Variants in MICALL2 observed in about 807,000 individuals in gnomAD.
MICALL2 encodes the protein MICAL-like protein 2.
Under a neutral mutation model 91.1 loss-of-function variants are expected in MICALL2, and 111 were observed. The ratio of observed to expected loss-of-function variants is 1.22; its 90% CI spans 1.04 to 1.43. MICALL2 has a LOEUF of 1.43. Among genes scored for constraint, MICALL2 ranks in the 40% most tolerant of loss-of-function variants. The pLI, the probability that MICALL2 is intolerant of heterozygous loss-of-function variation, is 0.00. For missense variants in MICALL2, 1,556 were observed against 1,236.0 expected, an observed-to-expected ratio of 1.26 and a Z score of -3.88; for synonymous variants, 694 against 525.3, an observed-to-expected ratio of 1.32 and a Z score of -4.39.
At position 1,444,688 on chromosome 7, in the gene MICALL2, G is replaced by A. The variant is rs1469621803; in HGVS notation, c.1382C>T (p.Ser461Leu). ...CGGAGCGCCAGCCTCTTCCAGCGCT[G>A]AGAGGGCCTGCTTGAGGAAGTTCCG... ...QARNFLKQAL[S>L]ALEEAGAPAP... The change falls in exon 6 of 17, where the codon TCA becomes TTA. Residue 461 changes from serine to leucine, a missense_variant. Physicochemically the swap from Ser to Leu is moderately radical, Grantham distance 145. Transcript: ENST00000297508. 6.2e-7 allele frequency: 1 copy of A among 1,611,902 alleles called. No individual in the cohort carries two copies. Among genetic ancestry groups the A allele is most frequent in the African/African-American group, 1.3e-5 (1 of 74,946 alleles).
intron 9 of MICALL2, chr7:1,439,308 C>T (rs115811332): frequency 0.029 from 10,525 of 363,780 alleles, 179 homozygotes; most frequent in Middle Eastern, 0.065. Flanking sequence ...TGCACACACA[C>T]GCATCACACA....
At chr7:1,443,728 G>A (rs2128521868) in intron 6 of MICALL2, among the ~76,000 whole-genome samples, 1 of 152,310 alleles carries the variant, frequency 6.6e-6, no homozygotes, top group South Asian at 2.1e-4. Context: ...CTGGGAGCTG[G>A]AAGAGACAAG....
At chr7:1,442,767 G>C (rs530614243) in intron 6 of MICALL2, among the ~76,000 whole-genome samples, 1 of 152,184 alleles carries the variant, frequency 6.6e-6, no homozygotes, top group South Asian at 2.1e-4. Flanking sequence ...TCTGGCATGA[G>C]CATATGCTGT....
Position 1,457,452 on chromosome 7 carries a change from G to C in MICALL2, c.143+1732C>G, listed in dbSNP as rs540784555. 2.6e-5 allele frequency among the ~76,000 whole-genome samples: 4 copies of C among 152,268 alleles called. No homozygotes were observed. In the East Asian group the frequency reaches 7.7e-4, roughly 29 times the overall value. ...CTCTGCACTCTCTGGAGCCACCCTG[G>C]GCTTTTATTCATTTACCTGTTCCCT... On this transcript the variant is annotated intron_variant, in intron 1 of 16. Transcript: ENST00000297508.
chr7:1,435,842 C>CAGG (rs1237518611), intron 15 of MICALL2, among the ~76,000 whole-genome samples: 6 of 151,426 alleles, frequency 4.0e-5, no homozygotes, highest in Admixed American at 2.0e-4. Context: ...ATCACGAGGT[C>CAGG]AGATCGAGAC....
chr7:1,439,856 C>CG, intron 9 of MICALL2, 69 bp downstream of exon 9: 1 of 1,338,394 alleles, frequency 7.5e-7, no homozygotes, highest in South Asian at 1.9e-5. Context: ...GGTCCAGTCC[C>CG]GGGGCCCCCA....
intron 4 of MICALL2, 152 bp downstream of exon 4, chr7:1,447,423 G>A (rs1463887847): frequency 3.6e-6 from 2 of 558,852 alleles, no homozygotes; most frequent in African/African-American, 1.9e-5. Flanking sequence ...CCCGGTCCTG[G>A]CGGCTCTTGC....
Position 1,434,361 on chromosome 7 carries a change from C to T in MICALL2, c.*235G>A, listed in dbSNP as rs66502635. The T allele has an allele frequency of 0.076, 48,878 of 647,030 alleles. 2,930 individuals carry two copies. The highest frequency in any genetic ancestry group is 0.21 in the Admixed American group (10,088 of 47,122). The allele number at this position is 647,030 out of a possible 1,614,324, so 40.1% of individuals were successfully genotyped here. On this transcript the variant is annotated 3_prime_UTR_variant, in exon 17 of 17. Coordinates refer to ENST00000297508, the MANE Select transcript of MICALL2 (RefSeq NM_182924.4). ...GCAAACACGGAGGCACGTAGGAGTC[C>T]GGGGCCATGTGGTCGGTTTCTTTAT...
rs767551741 is a variant in MICALL2, at chr7:1,437,167, GGCCTGT to G, written c.2477-317_2477-312del. 8.3e-6 allele frequency: 4 copies of G among 484,098 alleles called. No homozygotes were observed. The Admixed American group carries it at 1.6e-4, about 20-fold the overall frequency. 30.0% of individuals were successfully genotyped at this position (484,098 alleles called of 1,614,324 possible). On this transcript the variant is annotated intron_variant, in intron 14 of 16. Coordinates refer to ENST00000297508, the MANE Select transcript of MICALL2 (RefSeq NM_182924.4). ...GGAAAGGGCAGAGGCAGACGGCCTG[GGCCTGT>G]GCCCTCAGCCAGGGCACCCTGCATC...
In MICALL2 at chr7:1,434,677, G is replaced by GGGACAGGT. The variant is rs754889609; in HGVS notation, c.2639-13_2639-6dup. ...TGGACTTCTTCCTCTGGAGGCCTAG[G>GGGACAGGT]GGACAGGTGGACAGTGAGGCCGTGC... On this transcript the variant is annotated splice_region_variant and splice_polypyrimidine_tract_variant and intron_variant, in intron 16 of 16. Coordinates refer to ENST00000297508, the MANE Select transcript of MICALL2 (RefSeq NM_182924.4). 2.8e-5 allele frequency: 43 copies of GGGACAGGT among 1,551,258 alleles called. No individual in the cohort carries two copies. In the South Asian group the frequency reaches 3.1e-4, roughly 11 times the overall value.
chr7:1,438,252 G>A (rs972257194), intron 11 of MICALL2, 32 bp from the exon 12 acceptor site: 16 of 1,588,830 alleles, frequency 1.0e-5, no homozygotes, highest in Non-Finnish European at 1.2e-5. Context: ...GGATGCCGGA[G>A]GGCTGGGCCC....
chr7:1,438,136 C>T lies in MICALL2; in HGVS notation c.2272G>A (p.Gly758Ser), dbSNP rs973938514. The T allele has an allele frequency of 6.4e-7, 1 of 1,561,708 alleles. No homozygotes were observed. Among genetic ancestry groups the T allele is most frequent in the Non-Finnish European group, 8.7e-7 (1 of 1,153,686 alleles). Residue 758 changes from glycine (G) to serine (S), a missense_variant, in exon 12 of 17, where the codon GGC becomes AGC. Transcript: ENST00000297508. ...ERRLDALELR[G>S]VELEKRLRAA... The stretch of plus-strand genomic sequence containing the variant: ...CGCAGTCGCTTCTCCAGCTCCACGC[C>T]GCGGAGCTCCAGGGCGTCCAGCCGC...
intron 15 of MICALL2, 134 bp from the exon 16 acceptor site, chr7:1,435,281 T>A (rs1779912247): frequency 2.4e-6 from 2 of 826,534 alleles, no homozygotes; most frequent in Admixed American, 4.0e-5. Flanking sequence ...CCCTTCCTGC[T>A]GACAGGCCAC....
intron 7 of MICALL2, chr7:1,441,654 CA>C (rs1780283101): frequency 6.1e-6 from 1 of 165,272 alleles, no homozygotes; most frequent in Admixed American, 5.6e-5. Flanking sequence ...TGGACACCAC[CA>C]GGGGGACAGG....
Position 1,445,366 on chromosome 7 carries a change from G to C in MICALL2, c.704C>G (p.Thr235Ser). Residue 235 changes from threonine (T) to serine (S), a missense_variant, in exon 6 of 17, where the codon ACC (threonine) becomes AGC (serine). Coordinates refer to ENST00000297508, the MANE Select transcript of MICALL2 (RefSeq NM_182924.4). ...GAYKATGEPG[T>S]FVCTSHLPAA... ...GGGGAGGTGGCTGGTGCAGACGAAG[G>C]TGCCCGGCTCTCCTGTGGCCTTGTA... The C allele has an allele frequency of 6.3e-7, 1 of 1,590,666 alleles. No homozygotes were observed. The highest frequency in any genetic ancestry group is 8.5e-7 in the Non-Finnish European group (1 of 1,173,956).
intron 5 of MICALL2, among the ~76,000 whole-genome samples, chr7:1,446,165 C>A: frequency 1.1e-5 from 1 of 93,802 alleles, no homozygotes. Context: ...GGTGAGGAGG[C>A]GGAGCAGTAG....
At chr7:1,454,707 G>A (rs935322023) in intron 1 of MICALL2, among the ~76,000 whole-genome samples, 1 of 152,204 alleles carries the variant, frequency 6.6e-6, no homozygotes, top group African/African-American at 2.4e-5. Context: ...CCCCGCGTGG[G>A]AGAGGAGGTC....
chr7:1,447,880 G>C (rs1329394319), intron 3 of MICALL2, 115 bp from the exon 4 acceptor site: 9 of 824,660 alleles, frequency 1.1e-5, no homozygotes, highest in African/African-American at 1.8e-5. Flanking sequence ...GGACCTGGGG[G>C]CCCAGGGCTG....
Position 1,440,087 on chromosome 7 carries a change from T to C in MICALL2, c.1806-2A>G. 6.3e-7 allele frequency: 1 copy of C among 1,587,502 alleles called. No individual in the cohort carries two copies. The highest frequency in any genetic ancestry group is 8.5e-7 in the Non-Finnish European group (1 of 1,172,590). On this transcript the variant is annotated splice_acceptor_variant, in intron 8 of 16. Coordinates refer to ENST00000297508, the MANE Select transcript of MICALL2 (RefSeq NM_182924.4). LOFTEE classifies it high-confidence loss of function. The stretch of plus-strand genomic sequence containing the variant: ...CGTGGTTCCTTGGGCTTCAGAGTCC[T>C]GGGCAGAAGGCATGAGGTCGGAACC...
Sources: gnomAD v4.1 joint callset for allele counts (sites outside exome capture counted in the v4.1 genomes callset) on GRCh38, gnomAD v4.1.1 for gene constraint, MANE v1.5 for transcripts, NCBI Gene and HGNC (gene_info 2026-07-23, HGNC 2026-07-21) for gene names.